The following NGEF variants were observed in gnomAD, a reference collection of about 807,000 sequenced individuals.
NGEF encodes the protein ephexin-1.
NGEF carries 31 observed loss-of-function variants against 80.9 expected under a neutral mutation model. That is an observed-to-expected ratio of 0.38 (90% CI 0.29 to 0.52). The LOEUF is 0.52. Among genes scored for constraint, NGEF ranks in the 20% least tolerant of loss-of-function variants. The pLI, the probability that NGEF is intolerant of heterozygous loss-of-function variation, is 0.84. For synonymous variants in NGEF, 371 were observed against 370.2 expected (o/e 1.00, Z -0.03); for missense variants, 709 against 926.2 (o/e 0.77, Z 3.04).
chr2:232,993,028 AAT>A (rs1343483402), intron 1 of NGEF, among the ~76,000 whole-genome samples: 3 of 140,710 alleles, frequency 2.1e-5, no homozygotes, highest in Admixed American at 7.6e-5. Flanking sequence ...CACGCACATA[AAT>A]ATATAAATAT....
At chr2:232,970,477 G>A (rs1239150564) in intron 2 of NGEF, 149 bp from the exon 3 acceptor site, 1 of 563,030 alleles carries the variant, frequency 1.8e-6, no homozygotes, top group Non-Finnish European at 3.1e-6. Flanking sequence ...ACTCCCTGAA[G>A]GGGAGTTTGT....
intron 1 of NGEF, among the ~76,000 whole-genome samples, chr2:233,000,604 C>CA (rs1204539448): frequency 2.0e-5 from 3 of 151,908 alleles, no homozygotes; most frequent in African/African-American, 7.3e-5. Flanking sequence ...AAAAAAAATA[C>CA]AAAAAATTAG....
intron 1 of NGEF, among the ~76,000 whole-genome samples, chr2:232,987,715 A>G (rs941950820): frequency 6.6e-6 from 1 of 152,010 alleles, no homozygotes; most frequent in African/African-American, 2.4e-5. Flanking sequence ...GAGCTGGGGG[A>G]TTTCTGAAGG....
chr2:232,972,662 C>T (rs765713404), intron 2 of NGEF, among the ~76,000 whole-genome samples: 1 of 151,552 alleles, frequency 6.6e-6, no homozygotes, highest in Non-Finnish European at 1.5e-5. Context: ...AAATGCCTGC[C>T]TAGCAAACTA....
rs957075873 is a variant in NGEF, at chr2:232,892,645, G to A, written c.1142+253C>T. Among the ~76,000 whole-genome samples, 8 of 152,208 alleles carry A rather than the reference G, an allele frequency of 5.3e-5. No homozygotes were observed. The highest frequency in any genetic ancestry group is 5.2e-4 in the Admixed American group (8 of 15,286). ...TGCTCAGCCATTGGATCCAGGTCCAGTGGATGCTACGCTGATTCTCTTGGG... is the reference window on the plus strand; with the variant it reads ...TGCTCAGCCATTGGATCCAGGTCCAATGGATGCTACGCTGATTCTCTTGGG... On this transcript the variant is annotated intron_variant, in intron 7 of 14. Coordinates refer to ENST00000264051, the MANE Select transcript of NGEF (RefSeq NM_019850.3). The surrounding 1 kb of genome is among the most constrained non-coding windows in gnomAD (Gnocchi z 4.0).
At chr2:232,959,236 G>A (rs954945805) in intron 3 of NGEF, among the ~76,000 whole-genome samples, 2 of 152,036 alleles carry the variant, frequency 1.3e-5, no homozygotes, top group Non-Finnish European at 2.9e-5. Context: ...TTTTATGACT[G>A]TGCCTGCATG....
intron 3 of NGEF, among the ~76,000 whole-genome samples, chr2:232,951,054 C>G (rs1451630828): frequency 6.6e-6 from 1 of 152,168 alleles, no homozygotes; most frequent in Non-Finnish European, 1.5e-5. Context: ...TTGAAGCAAT[C>G]AGTGGGCTGC....
intron 5 of NGEF, among the ~76,000 whole-genome samples, chr2:232,920,063 G>T (rs1346760440): frequency 2.0e-5 from 3 of 152,224 alleles, no homozygotes; most frequent in Admixed American, 6.5e-5. Context: ...TGCTTCAGAC[G>T]CTCAATGTTG....
chr2:232,927,935 T>C, intron 3 of NGEF: 1 of 1,339,402 alleles, frequency 7.5e-7, no homozygotes, highest in Non-Finnish European at 9.6e-7. Flanking sequence ...CGCGTCGCTT[T>C]CCGAGGTGGA....
At chr2:232,969,450 C>CTTCG (rs1694137174) in intron 3 of NGEF, among the ~76,000 whole-genome samples, 1 of 80,130 alleles carries the variant, frequency 1.2e-5, no homozygotes, top group Non-Finnish European at 2.3e-5. Flanking sequence ...CCTCCCTCCC[C>CTTCG]TTCCTTCCTT....
At chr2:232,996,571 A>G (rs1393793851) in intron 1 of NGEF, among the ~76,000 whole-genome samples, 1 of 152,208 alleles carries the variant, frequency 6.6e-6, no homozygotes, top group African/African-American at 2.4e-5. Flanking sequence ...GTCCCTTTGT[A>G]AAATAGTGTA....
At chr2:232,942,380 T>C (rs567398890) in intron 3 of NGEF, among the ~76,000 whole-genome samples, 1 of 152,316 alleles carries the variant, frequency 6.6e-6, no homozygotes, top group South Asian at 2.1e-4. Flanking sequence ...TTCTACGTAC[T>C]TGCTGAATCA....
At chr2:232,974,578 G>T in intron 2 of NGEF, 45 bp downstream of exon 2, 1 of 1,594,746 alleles carries the variant, frequency 6.3e-7, no homozygotes, top group Non-Finnish European at 8.5e-7. Flanking sequence ...GATGACTCCA[G>T]TTGGATGTAA....
At chr2:233,012,461 C>A (rs756073328) in intron 1 of NGEF, among the ~76,000 whole-genome samples, 3 of 152,182 alleles carry the variant, frequency 2.0e-5, no homozygotes, top group African/African-American at 7.2e-5. Context: ...GGCCCCTGAG[C>A]GGAGGGGGCA....
At chr2:232,943,395 T>C (rs554376715) in intron 3 of NGEF, among the ~76,000 whole-genome samples, 2 of 152,072 alleles carry the variant, frequency 1.3e-5, no homozygotes, top group Non-Finnish European at 2.9e-5. Context: ...TGAAAACTCC[T>C]GAGAATATAT....
Position 232,879,435 on chromosome 2 carries a change from CCTT to C in NGEF, c.*51_*53del. The C allele has an allele frequency of 6.9e-7, 1 of 1,443,848 alleles. No homozygotes were observed. The highest frequency in any genetic ancestry group is 1.5e-5 in the African/African-American group (1 of 67,920). The allele number at this position is 1,443,848 out of a possible 1,614,324, so 89.4% of individuals were successfully genotyped here. Reference sequence around the variant, plus strand: ...GCTTCCCAGAGCCCCCCCCCCCCCACCTTCTGTCGGGGTCTCATGCAGGCCCTG... The same window carrying C: ...GCTTCCCAGAGCCCCCCCCCCCCCACCTGTCGGGGTCTCATGCAGGCCCTG... On this transcript the variant is annotated 3_prime_UTR_variant, in exon 15 of 15. Transcript: ENST00000264051.
At chr2:232,879,831 G>A (rs375781853) in intron 14 of NGEF, 152 bp from the exon 15 acceptor site, 73 of 663,640 alleles carry the variant, frequency 1.1e-4, no homozygotes, top group African/African-American at 4.2e-4. Flanking sequence ...CACCTCTGCC[G>A]AGATGCTCAG....
intron 5 of NGEF, among the ~76,000 whole-genome samples, chr2:232,914,661 C>T (rs1464040823): frequency 6.6e-6 from 1 of 152,126 alleles, no homozygotes; most frequent in Non-Finnish European, 1.5e-5. Flanking sequence ...CAAGATTGTG[C>T]CACTGCACTC....
intron 1 of NGEF, among the ~76,000 whole-genome samples, chr2:233,005,070 GCA>G (rs1695058179): frequency 2.0e-5 from 3 of 152,276 alleles, no homozygotes; most frequent in Admixed American, 2.0e-4. Flanking sequence ...ACCTATCACA[GCA>G]CACTTTCCCT....
Sources: allele counts gnomAD v4.1 joint callset (sites outside exome capture counted in the v4.1 genomes callset), GRCh38; gene constraint gnomAD v4.1.1; non-coding constraint Gnocchi (gnomAD v3.1); transcripts MANE v1.5; gene names NCBI Gene and HGNC (gene_info 2026-07-23, HGNC 2026-07-21).